Variants in CNTNAP2 observed in about 807,000 individuals in gnomAD.
The protein encoded by CNTNAP2 is contactin-associated protein-like 2.
A neutral mutation model predicts 155.2 loss-of-function variants in CNTNAP2; 98 were observed. That is an observed-to-expected ratio of 0.63 (90% CI 0.54 to 0.75). CNTNAP2 has a LOEUF of 0.75. Among genes scored for constraint, CNTNAP2 ranks in the 30% least tolerant of loss-of-function variants. CNTNAP2 has a pLI of 0.00. For synonymous variants in CNTNAP2, 651 were observed against 631.2 expected (o/e 1.03, Z -0.47); for missense variants, 1,727 against 1,688.1 (o/e 1.02, Z -0.40).
intron 20 of CNTNAP2, among the ~76,000 whole-genome samples, chr7:148,247,635 A>T (rs981783538): frequency 5.4e-5 from 7 of 129,078 alleles, no homozygotes; most frequent in African/African-American, 9.7e-5. Flanking sequence ...CTATTTATTT[A>T]TTTATTTATT....
chr7:147,209,778 G>A (rs570623266), intron 8 of CNTNAP2, among the ~76,000 whole-genome samples: 66 of 151,958 alleles, frequency 4.3e-4, no homozygotes, highest in African/African-American at 1.5e-3. Flanking sequence ...AGTATGTTGA[G>A]GGTTTCTATC....
intron 1 of CNTNAP2, among the ~76,000 whole-genome samples, chr7:146,340,698 C>T (rs896106819): frequency 6.6e-6 from 1 of 152,010 alleles, no homozygotes; most frequent in Non-Finnish European, 1.5e-5. Context: ...GAAGTAGAAT[C>T]GGATCTACTA....
At chr7:147,978,146 G>C in intron 15 of CNTNAP2, 157 bp downstream of exon 15, 2 of 1,015,998 alleles carry the variant, frequency 2.0e-6, no homozygotes, top group South Asian at 2.8e-5. Flanking sequence ...GAGGGGAACA[G>C]CCATAAAGCC....
intron 13 of CNTNAP2, among the ~76,000 whole-genome samples, chr7:147,657,210 A>T (rs939501659): frequency 2.0e-5 from 3 of 152,192 alleles, no homozygotes; most frequent in African/African-American, 7.2e-5. Flanking sequence ...TGAAAATAAC[A>T]TATGTGGGGA....
chr7:147,883,637 G>A (rs1393661375), intron 13 of CNTNAP2, among the ~76,000 whole-genome samples: 1 of 152,166 alleles, frequency 6.6e-6, no homozygotes, highest in Non-Finnish European at 1.5e-5. Context: ...GTGTGATAAA[G>A]TTGCCTCAGG....
intron 1 of CNTNAP2, among the ~76,000 whole-genome samples, chr7:146,553,572 A>C (rs1251916339): frequency 6.6e-6 from 1 of 152,168 alleles, no homozygotes; most frequent in Non-Finnish European, 1.5e-5. Flanking sequence ...TAGATAGGAA[A>C]GGCCAATTTG....
chr7:147,837,449 A>T (rs1798651999), intron 13 of CNTNAP2, among the ~76,000 whole-genome samples: 1 of 152,134 alleles, frequency 6.6e-6, no homozygotes, highest in Non-Finnish European at 1.5e-5. Flanking sequence ...GTGGGGACAC[A>T]GCCAAACCAT....
chr7:146,717,366 A>G (rs1193206253), intron 1 of CNTNAP2, among the ~76,000 whole-genome samples: 1 of 139,224 alleles, frequency 7.2e-6, no homozygotes, highest in Non-Finnish European at 1.5e-5. Flanking sequence ...AAAAAAAAAA[A>G]GCCATGTGTG....
intron 13 of CNTNAP2, among the ~76,000 whole-genome samples, chr7:147,859,652 C>A (rs1380318499): frequency 6.6e-6 from 1 of 152,090 alleles, no homozygotes; most frequent in Non-Finnish European, 1.5e-5. Context: ...TTATGGGAGT[C>A]CCTGTGGTAA....
intron 13 of CNTNAP2, among the ~76,000 whole-genome samples, chr7:147,713,754 C>T (rs566688043): frequency 4.6e-5 from 7 of 152,098 alleles, no homozygotes; most frequent in African/African-American, 9.7e-5. Context: ...TGTTTTTAGA[C>T]CAGCAATGAA....
At chr7:148,067,557 C>A (rs1803291274) in intron 15 of CNTNAP2, among the ~76,000 whole-genome samples, 1 of 152,194 alleles carries the variant, frequency 6.6e-6, no homozygotes, top group African/African-American at 2.4e-5. Context: ...TTGTTTAGTG[C>A]ATGGGTTTTC....
chr7:146,343,431 T>C (rs1342304365), intron 1 of CNTNAP2, among the ~76,000 whole-genome samples: 1 of 152,168 alleles, frequency 6.6e-6, no homozygotes, highest in Non-Finnish European at 1.5e-5. Context: ...ACTCATCTGA[T>C]ACGTTCCGCC....
chr7:146,955,402 TAA>T (rs1299001110), intron 3 of CNTNAP2, among the ~76,000 whole-genome samples: 1 of 151,966 alleles, frequency 6.6e-6, no homozygotes, highest in African/African-American at 2.4e-5. Flanking sequence ...AAGTGTCTCT[TAA>T]AAAGTTAGTC....
intron 12 of CNTNAP2, among the ~76,000 whole-genome samples, chr7:147,602,489 A>G (rs969844329): frequency 1.2e-5 from 1 of 81,878 alleles, no homozygotes; most frequent in African/African-American, 5.6e-5. Flanking sequence ...TTCATCCTAC[A>G]TCTTTTTTTT....
In CNTNAP2 at chr7:146,809,388, G is replaced by T. The variant is rs1365245613; in HGVS notation, c.209-30323G>T. On this transcript the variant is annotated intron_variant, in intron 2 of 23. Coordinates refer to ENST00000361727, the MANE Select transcript of CNTNAP2 (RefSeq NM_014141.6). ...TGTTTTGTTTTGTTTTTGAGATGGAGCCTCACTCTGTCACCCAGGCTGGAG... is the reference window on the plus strand; with the variant it reads ...TGTTTTGTTTTGTTTTTGAGATGGATCCTCACTCTGTCACCCAGGCTGGAG... Among the ~76,000 whole-genome samples, 3 of 151,822 alleles carry T rather than the reference G, an allele frequency of 2.0e-5. No individual in the cohort carries two copies. In the East Asian group the frequency reaches 5.8e-4, roughly 30 times the overall value.
intron 21 of CNTNAP2, among the ~76,000 whole-genome samples, chr7:148,344,237 A>T (rs1057192248): frequency 1.3e-5 from 2 of 152,204 alleles, no homozygotes; most frequent in African/African-American, 4.8e-5. Flanking sequence ...TTTGTGGCTC[A>T]GAAGCAAATT....
intron 1 of CNTNAP2, among the ~76,000 whole-genome samples, chr7:146,342,092 G>T (rs962636199): frequency 1.3e-5 from 2 of 152,036 alleles, no homozygotes; most frequent in Admixed American, 6.6e-5. Context: ...GGTCACGGAG[G>T]TTGAGTCAGA....
chr7:148,328,976 G>GAAAAAAAAAAA lies in CNTNAP2; in HGVS notation c.3476-54659_3476-54649dup, dbSNP rs71188969. On this transcript the variant is annotated intron_variant, in intron 21 of 23. Transcript: ENST00000361727. ...AAGCGACAGAGCAAGACTCTGTCTGGAAAAAAAAAAAAAAAAAAAAAAAAG... is the reference window on the plus strand; with the variant it reads ...AAGCGACAGAGCAAGACTCTGTCTGGAAAAAAAAAAAAAAAAAAAAAAAAAAAAAAAAAAAG... Among the ~76,000 whole-genome samples the GAAAAAAAAAAA allele has an allele frequency of 7.9e-4, 55 of 69,252 alleles. 1 individual carries two copies. The highest frequency in any genetic ancestry group is 2.7e-3 in the African/African-American group (51 of 19,014). 45.4% of individuals were successfully genotyped at this position (69,252 alleles called of 152,430 possible). A position where few individuals can be genotyped will look rare whatever the true frequency, so the allele number is the denominator to read the frequency against.
intron 18 of CNTNAP2, among the ~76,000 whole-genome samples, chr7:148,180,338 A>G (rs988108622): frequency 4.6e-5 from 7 of 152,190 alleles, no homozygotes; most frequent in African/African-American, 1.7e-4. Flanking sequence ...GAATTATTCA[A>G]GTAGAGAAAA....
Sources: allele counts gnomAD v4.1 joint callset (sites outside exome capture counted in the v4.1 genomes callset), GRCh38; gene constraint gnomAD v4.1.1; transcripts MANE v1.5; gene names NCBI Gene and HGNC (gene_info 2026-07-23, HGNC 2026-07-21).